Variants in TRUB1 observed in about 807,000 individuals in gnomAD.
TRUB1 encodes the protein pseudouridylate synthase TRUB1.
Under a neutral mutation model 33.9 loss-of-function variants are expected in TRUB1, and 23 were observed. That is an observed-to-expected ratio of 0.68 (90% CI 0.49 to 0.96). The LOEUF (loss-of-function observed/expected upper bound fraction) is 0.96, where lower values mean the gene tolerates loss of function less well. TRUB1 is among the 40% of genes least tolerant of loss of function. The pLI is 0.00. For missense variants in TRUB1, 378 were observed against 422.2 expected (o/e 0.90, Z 0.92); for synonymous variants, 163 against 165.4 (o/e 0.99, Z 0.11).
intron 1 of TRUB1, 53 bp from the exon 2 acceptor site, chr10:114,942,592 C>A (rs2084192914): frequency 8.3e-7 from 1 of 1,198,934 alleles, no homozygotes; most frequent in Non-Finnish European, 1.2e-6. Flanking sequence ...TTATGAAGAT[C>A]CTACTTCATT....
At chr10:114,969,723 C>T (rs1322097433) in intron 4 of TRUB1, among the ~76,000 whole-genome samples, 4 of 136,974 alleles carry the variant, frequency 2.9e-5, no homozygotes, top group Non-Finnish European at 6.2e-5. Context: ...TTTTTGAGGC[C>T]GGCTGGGAGT....
At chr10:114,970,297 T>C in intron 4 of TRUB1, 71 bp from the exon 5 acceptor site, 1 of 1,049,208 alleles carries the variant, frequency 9.5e-7, no homozygotes, top group Non-Finnish European at 1.4e-6. Flanking sequence ...TTTTCAGGGC[T>C]GTTGGTGCTG....
intron 2 of TRUB1, among the ~76,000 whole-genome samples, chr10:114,948,933 T>C (rs533955128): frequency 6.6e-6 from 1 of 152,336 alleles, no homozygotes; most frequent in South Asian, 2.1e-4. Flanking sequence ...TCTGTTGTGT[T>C]CCCTATACAT....
At chr10:114,971,800 C>T (rs2084337759) in intron 5 of TRUB1, among the ~76,000 whole-genome samples, 1 of 151,998 alleles carries the variant, frequency 6.6e-6, no homozygotes, top group African/African-American at 2.4e-5. Flanking sequence ...ATTCCTTGTG[C>T]CTTTTAACAC....
At chr10:114,968,295 A>G (rs961885334) in intron 4 of TRUB1, among the ~76,000 whole-genome samples, 1 of 152,222 alleles carries the variant, frequency 6.6e-6, no homozygotes, top group Non-Finnish European at 1.5e-5. Context: ...AAAGAGGGCC[A>G]CCAAAGCAGC....
Position 114,939,821 on chromosome 10 carries a change from C to CTTTTT in TRUB1, c.286+1286_286+1287insTTTTT, listed in dbSNP as rs199856592. Reference sequence around the variant, plus strand: ...GATTTGTTAGCTAAACTCTGGGTTTCTTTTCTTTTTTTTTTTTTTTTATCC... The same window carrying CTTTTT: ...GATTTGTTAGCTAAACTCTGGGTTTCTTTTTTTTTCTTTTTTTTTTTTTTTTATCC... On this transcript the variant is annotated intron_variant, in intron 1 of 7. Transcript: ENST00000298746. Among the ~76,000 whole-genome samples the CTTTTT allele has an allele frequency of 6.8e-5, 7 of 103,466 alleles. 1 individual carries two copies. The highest frequency in any genetic ancestry group is 2.2e-4 in the African/African-American group (5 of 22,552). The allele number at this position is 103,466 out of a possible 152,430, so 67.9% of individuals were successfully genotyped here.
rs941673013 is a variant in TRUB1 at position 114,976,561 on chromosome 10, C to T, written c.*1182C>T. The T allele has an allele frequency of 6.6e-6, 1 of 152,136 alleles. No homozygotes were observed. Among genetic ancestry groups the T allele is most frequent in the Non-Finnish European group, 1.5e-5 (1 of 68,010 alleles). The allele number at this position is 152,136 out of a possible 1,614,324, so 9.4% of individuals were successfully genotyped here. ...CAAATACAGTTTCAAAAGGAAGACTCATGAGAAATTTCATAAAATACAAGT... is the reference window on the plus strand; with the variant it reads ...CAAATACAGTTTCAAAAGGAAGACTTATGAGAAATTTCATAAAATACAAGT... On this transcript the variant is annotated 3_prime_UTR_variant, in exon 8 of 8. Transcript: ENST00000298746.
intron 3 of TRUB1, among the ~76,000 whole-genome samples, chr10:114,956,835 A>G (rs2084263635): frequency 6.6e-6 from 1 of 152,200 alleles, no homozygotes; most frequent in South Asian, 2.1e-4. Context: ...ATGTTTTTAA[A>G]AAATGTGTGC....
chr10:114,970,476 T>C (rs746582171), intron 5 of TRUB1, 36 bp downstream of exon 5: 1 of 1,459,668 alleles, frequency 6.9e-7, no homozygotes, highest in Non-Finnish European at 9.6e-7. Flanking sequence ...AAATGTTTAC[T>C]TTTCTTTTCC....
chr10:114,959,497 A>G (rs2084276117), intron 3 of TRUB1, among the ~76,000 whole-genome samples: 1 of 152,226 alleles, frequency 6.6e-6, no homozygotes, highest in African/African-American at 2.4e-5. Flanking sequence ...TATCAATAAA[A>G]TCAGGTTTAT....
chr10:114,975,252 C>T lies in TRUB1; in HGVS notation c.923C>T (p.Ser308Leu). 6.2e-7 allele frequency: 1 copy of T among 1,613,618 alleles called. No homozygotes were observed. Among genetic ancestry groups the T allele is most frequent in the Non-Finnish European group, 8.5e-7 (1 of 1,179,698 alleles). The change falls in exon 8 of 8, where the codon TCA (serine) becomes TTA (leucine). Residue 308 changes from serine to leucine, a missense_variant. Ser to Leu is a moderately radical substitution (Grantham distance 145, BLOSUM62 -2). Transcript: ENST00000298746. ...DDIAQSLEHC[S>L]SLFPAELALK... is the part of the protein sequence containing the mutation. ...ATTGCACAGTCTCTTGAGCATTGCTCATCTCTTTTCCCAGCAGAGTTGGCA... is the reference window on the plus strand; with the variant it reads ...ATTGCACAGTCTCTTGAGCATTGCTTATCTCTTTTCCCAGCAGAGTTGGCA...
chr10:114,963,463 T>A (rs935596673), intron 4 of TRUB1, among the ~76,000 whole-genome samples: 1 of 152,198 alleles, frequency 6.6e-6, no homozygotes, highest in South Asian at 2.1e-4. Context: ...CATTATAAAA[T>A]GTACAAGTAA....
At chr10:114,950,609 T>A (rs1359649936) in intron 2 of TRUB1, among the ~76,000 whole-genome samples, 2 of 152,230 alleles carry the variant, frequency 1.3e-5, no homozygotes, top group East Asian at 3.8e-4. Context: ...TTAGACTGAT[T>A]TGTTATGTTT....
At chr10:114,963,966 CGTGT>C (rs35359334) in intron 4 of TRUB1, among the ~76,000 whole-genome samples, 127 of 148,872 alleles carry the variant, frequency 8.5e-4, no homozygotes, top group South Asian at 4.5e-3. Flanking sequence ...GAATATAGGT[CGTGT>C]GTGTGTGTGT....
intron 3 of TRUB1, among the ~76,000 whole-genome samples, chr10:114,953,070 C>T (rs1335726329): frequency 6.6e-6 from 1 of 152,046 alleles, no homozygotes; most frequent in East Asian, 1.9e-4. Context: ...GTTCACCCCT[C>T]CTCCCCCAAA....
intron 4 of TRUB1, among the ~76,000 whole-genome samples, chr10:114,960,719 A>T (rs2084281613): frequency 1.3e-5 from 2 of 150,060 alleles, no homozygotes; most frequent in African/African-American, 4.9e-5. Flanking sequence ...TCAAAAACAG[A>T]TGTTGAAATA....
chr10:114,965,203 A>G (rs2084302095), intron 4 of TRUB1, among the ~76,000 whole-genome samples: 1 of 152,106 alleles, frequency 6.6e-6, no homozygotes, highest in Non-Finnish European at 1.5e-5. Flanking sequence ...TGCTGAGATT[A>G]CAGGCTTGAG....
intron 4 of TRUB1, among the ~76,000 whole-genome samples, chr10:114,969,941 AT>A (rs1184211981): frequency 2.0e-5 from 3 of 152,196 alleles, no homozygotes. Context: ...TATTTACAAT[AT>A]TTGATCCCTA....
chr10:114,965,162 C>T (rs1214675568), intron 4 of TRUB1, among the ~76,000 whole-genome samples: 1 of 152,040 alleles, frequency 6.6e-6, no homozygotes, highest in East Asian at 1.9e-4. Context: ...ATCTCCTGAC[C>T]TTGTGATCTG....
Sources: allele counts gnomAD v4.1 joint callset (sites outside exome capture counted in the v4.1 genomes callset), GRCh38; gene constraint gnomAD v4.1.1; transcripts MANE v1.5; gene names NCBI Gene and HGNC (gene_info 2026-07-23, HGNC 2026-07-21).